Variants in COL23A1 observed in about 807,000 individuals in gnomAD.
COL23A1 encodes the protein collagen alpha-1(XXIII) chain.
Under a neutral mutation model 99.3 loss-of-function variants are expected in COL23A1, and 97 were observed. The observed-to-expected ratio is 0.98, with a 90% CI of 0.83 to 1.16. COL23A1 has a LOEUF of 1.16. Ranked by LOEUF, COL23A1 falls within the 50% of genes most tolerant of loss-of-function variation. COL23A1 has a pLI of 0.00. For synonymous variants in COL23A1, 320 were observed against 308.2 expected, an observed-to-expected ratio of 1.04 and a Z score of -0.40; for missense variants, 762 against 757.4, an observed-to-expected ratio of 1.01 and a Z score of -0.07.
chr5:178,269,375 CTAT>C, intron 6 of COL23A1, among the ~76,000 whole-genome samples: 1 of 41,944 alleles, frequency 2.4e-5, no homozygotes, highest in African/African-American at 5.5e-5. Context: ...ACCCACCCAT[CTAT>C]CCATCCATCC....
chr5:178,378,890 AC>A (rs1763224098), intron 2 of COL23A1, among the ~76,000 whole-genome samples: 1 of 152,010 alleles, frequency 6.6e-6, no homozygotes, highest in South Asian at 2.1e-4. Flanking sequence ...CCACACAGAG[AC>A]CCCATCCTTC....
Position 178,384,244 on chromosome 5 carries a change from C to A in COL23A1, c.362-77325G>T, listed in dbSNP as rs1223495718. 6.6e-6 allele frequency among the ~76,000 whole-genome samples: 1 copy of A among 152,180 alleles called. No individual in the cohort carries two copies. The highest frequency in any genetic ancestry group is 6.6e-5 in the Admixed American group (1 of 15,262). ...GCTGCTGCGAGCTGAGCTGCGATCG[C>A]AAATGCACGCAGCTCCCCGCCCAGG... On this transcript the variant is annotated intron_variant, in intron 2 of 28. Coordinates refer to ENST00000390654, the MANE Select transcript of COL23A1 (RefSeq NM_173465.4). The surrounding 1 kb of genome is among the most constrained non-coding windows in gnomAD (Gnocchi z 5.5).
intron 3 of COL23A1, among the ~76,000 whole-genome samples, chr5:178,304,847 T>C (rs1190277278): frequency 6.6e-6 from 1 of 152,190 alleles, no homozygotes; most frequent in Non-Finnish European, 1.5e-5. Context: ...TAATAACATA[T>C]TCTTATCTTG....
chr5:178,349,646 C>A (rs1052920232), intron 2 of COL23A1, among the ~76,000 whole-genome samples: 5 of 151,258 alleles, frequency 3.3e-5, no homozygotes. Flanking sequence ...TTTTTTTTGT[C>A]TTCTGTCTCC....
At chr5:178,246,682 G>A (rs977899385) in intron 22 of COL23A1, among the ~76,000 whole-genome samples, 11 of 149,566 alleles carry the variant, frequency 7.4e-5, no homozygotes, top group Admixed American at 5.4e-4. Context: ...AGGTGATTAC[G>A]GTCACACCCA....
At chr5:178,469,236 C>T (rs1033593124) in intron 2 of COL23A1, among the ~76,000 whole-genome samples, 3 of 152,254 alleles carry the variant, frequency 2.0e-5, no homozygotes, top group East Asian at 3.9e-4. Flanking sequence ...TCTGGGTCTC[C>T]GTGTTCTTCC....
In COL23A1 at chr5:178,257,505, G is replaced by A; in HGVS notation, c.774+18C>T. ...GAGGTGGGGGCAGGGGGCCACGAGA[G>A]GAGGGGCAGATACTCACCTTGGGCC... On this transcript the variant is annotated intron_variant, in intron 13 of 28. Coordinates refer to ENST00000390654, the MANE Select transcript of COL23A1 (RefSeq NM_173465.4). 2 of 1,565,672 alleles carry A rather than the reference G, an allele frequency of 1.3e-6. No homozygotes were observed. The highest frequency in any genetic ancestry group is 8.7e-7 in the Non-Finnish European group (1 of 1,154,770).
chr5:178,542,242 C>T (rs1248142020), intron 2 of COL23A1, among the ~76,000 whole-genome samples: 3 of 152,090 alleles, frequency 2.0e-5, no homozygotes, highest in African/African-American at 7.2e-5. Context: ...TTATTAGAGA[C>T]GGGGTTTTGC....
chr5:178,543,250 G>A (rs1367216458), intron 2 of COL23A1, among the ~76,000 whole-genome samples: 2 of 152,030 alleles, frequency 1.3e-5, no homozygotes, highest in Admixed American at 6.6e-5. Context: ...TGGAACTACA[G>A]GCATGCACCA....
At chr5:178,580,471 T>C (rs1763608121) in intron 1 of COL23A1, among the ~76,000 whole-genome samples, 1 of 152,114 alleles carries the variant, frequency 6.6e-6, no homozygotes, top group African/African-American at 2.4e-5. Flanking sequence ...CAAGCTTTTT[T>C]TTTTTTCCCC....
chr5:178,326,812 T>C (rs941692019), intron 2 of COL23A1, among the ~76,000 whole-genome samples: 7 of 152,210 alleles, frequency 4.6e-5, no homozygotes, highest in South Asian at 2.1e-4. Context: ...CTCTGCCTCC[T>C]GGGTTCAAGC....
At chr5:178,583,160 C>T (rs1164233144) in intron 1 of COL23A1, among the ~76,000 whole-genome samples, 1 of 152,238 alleles carries the variant, frequency 6.6e-6, no homozygotes, top group Non-Finnish European at 1.5e-5. Context: ...ACAGTATATA[C>T]AGAGAAACAC....
chr5:178,432,421 T>C (rs959799316), intron 2 of COL23A1, among the ~76,000 whole-genome samples: 8 of 151,952 alleles, frequency 5.3e-5, no homozygotes, highest in African/African-American at 1.9e-4. Flanking sequence ...TGGCAGGAGG[T>C]TGTGGGGACC....
intron 2 of COL23A1, among the ~76,000 whole-genome samples, chr5:178,508,835 T>C (rs1300367745): frequency 6.6e-6 from 1 of 152,236 alleles, no homozygotes; most frequent in Non-Finnish European, 1.5e-5. Flanking sequence ...TCATTCCTTG[T>C]GTCCCAGGGT....
chr5:178,533,785 C>A (rs1294642578), intron 2 of COL23A1, among the ~76,000 whole-genome samples: 1 of 152,210 alleles, frequency 6.6e-6, no homozygotes, highest in Non-Finnish European at 1.5e-5. Context: ...GCATGAGCCA[C>A]CACACCCAGC....
chr5:178,338,572 A>T (rs67047802), intron 2 of COL23A1, among the ~76,000 whole-genome samples: 2,733 of 126,304 alleles, frequency 0.022, 47 homozygotes, highest in African/African-American at 0.034. Flanking sequence ...GGTATGGGGT[A>T]GCTCCTGGGT....
intron 2 of COL23A1, among the ~76,000 whole-genome samples, chr5:178,360,430 A>G (rs1030556444): frequency 6.6e-6 from 1 of 152,226 alleles, no homozygotes; most frequent in African/African-American, 2.4e-5. Context: ...AGAAGCTGCC[A>G]TGGGAACCGC....
At chr5:178,262,294 T>A (rs1765676135) in intron 9 of COL23A1, 42 bp from the exon 10 acceptor site, 1 of 1,561,604 alleles carries the variant, frequency 6.4e-7, no homozygotes, top group African/African-American at 1.3e-5. Context: ...ATGCAGGATG[T>A]CACATTGAAC....
At chr5:178,279,931 T>A (rs1275519890) in intron 5 of COL23A1, among the ~76,000 whole-genome samples, 1 of 151,760 alleles carries the variant, frequency 6.6e-6, no homozygotes, top group Non-Finnish European at 1.5e-5. Flanking sequence ...TTTGTGGGAG[T>A]TTTTTGTTCT....
Sources: gnomAD v4.1 joint callset for allele counts (sites outside exome capture counted in the v4.1 genomes callset) on GRCh38, gnomAD v4.1.1 for gene constraint, Gnocchi (gnomAD v3.1) non-coding constraint, MANE v1.5 for transcripts, NCBI Gene and HGNC (gene_info 2026-07-23, HGNC 2026-07-21) for gene names.